LIG1: variants seen among roughly 807,000 people sequenced by gnomAD.
LIG1 encodes DNA ligase 1.
LIG1 carries 70 observed loss-of-function variants against 115.7 expected under a neutral mutation model. The ratio of observed to expected loss-of-function variants is 0.60; its 90% CI spans 0.50 to 0.74. The LOEUF (loss-of-function observed/expected upper bound fraction) is 0.74. Among genes scored for constraint, LIG1 ranks in the 30% least tolerant of loss-of-function variants. The pLI is 0.00. For missense variants in LIG1, 1,115 were observed against 1,225.6 expected, an observed-to-expected ratio of 0.91 and a Z score of 1.35; for synonymous variants, 487 against 495.3, an observed-to-expected ratio of 0.98 and a Z score of 0.22.
At chr19:48,131,289 G>C in intron 18 of LIG1, 118 bp from the exon 19 acceptor site, 2 of 734,666 alleles carry the variant, frequency 2.7e-6, no homozygotes, top group Non-Finnish European at 4.9e-6. Context: ...GGAGGAACTG[G>C]TGCAGAGACT....
intron 1 of LIG1, 60 bp from the exon 2 acceptor site, chr19:48,165,683 A>G (rs1211520689): frequency 7.7e-6 from 9 of 1,174,728 alleles, no homozygotes; most frequent in Non-Finnish European, 1.1e-5. Context: ...CTAAACACAC[A>G]TAAAACCCTT....
intron 23 of LIG1, among the ~76,000 whole-genome samples, chr19:48,121,762 T>C (rs1302923015): frequency 1.3e-5 from 2 of 152,102 alleles, no homozygotes; most frequent in Non-Finnish European, 2.9e-5. Context: ...GATCGTGCCA[T>C]TGCACTCCAG....
At chr19:48,127,056 C>T (rs955902918) in intron 21 of LIG1, 2 of 571,578 alleles carry the variant, frequency 3.5e-6, no homozygotes, top group African/African-American at 3.8e-5. Context: ...CACCTCACGC[C>T]AATGTGGAGT....
chr19:48,167,825 T>TAA (rs776208781), intron 1 of LIG1, among the ~76,000 whole-genome samples: 66 of 113,730 alleles, frequency 5.8e-4, no homozygotes, highest in African/African-American at 1.2e-3. Flanking sequence ...GACCCCGTCT[T>TAA]AAAAAAAAAA....
intron 12 of LIG1, among the ~76,000 whole-genome samples, chr19:48,138,448 C>T (rs1466604148): frequency 6.6e-5 from 10 of 152,326 alleles, no homozygotes; most frequent in Admixed American, 1.3e-4. Context: ...GATGCTCAGC[C>T]GCGGCACAGA....
intron 18 of LIG1, among the ~76,000 whole-genome samples, chr19:48,131,916 G>C (rs2034048133): frequency 6.8e-6 from 1 of 147,794 alleles, no homozygotes; most frequent in East Asian, 2.0e-4. Flanking sequence ...CTCTGATCCT[G>C]TGTCTGTTGG....
chr19:48,125,051 C>A (rs1326353047), intron 21 of LIG1, among the ~76,000 whole-genome samples: 2 of 149,744 alleles, frequency 1.3e-5, no homozygotes, highest in South Asian at 4.2e-4. Flanking sequence ...ACACATTAAA[C>A]AGAAAAAAAA....
chr19:48,120,623 G>A (rs1380246032), intron 24 of LIG1: 3 of 900,640 alleles, frequency 3.3e-6, no homozygotes, highest in Non-Finnish European at 4.0e-6. Context: ...AGCTAGGGGT[G>A]AGCCATGGAG....
chr19:48,119,697 C>T (rs1034951486), intron 24 of LIG1, among the ~76,000 whole-genome samples: 4 of 152,018 alleles, frequency 2.6e-5, no homozygotes, highest in Admixed American at 1.3e-4. Context: ...CACCACCACG[C>T]CTGGCTAATT....
intron 26 of LIG1, among the ~76,000 whole-genome samples, chr19:48,116,653 G>A (rs972668680): frequency 6.6e-6 from 1 of 152,032 alleles, no homozygotes; most frequent in African/African-American, 2.4e-5. Context: ...CCGTAAAATG[G>A]AGATGTTTGT....
chr19:48,150,326 TA>T, intron 7 of LIG1, 116 bp from the exon 8 acceptor site: 1 of 1,448,090 alleles, frequency 6.9e-7, no homozygotes. Flanking sequence ...TAACTACACC[TA>T]CCCTTTTCCT....
At chr19:48,127,124 C>A in intron 21 of LIG1, 153 bp downstream of exon 21, 1 of 701,574 alleles carries the variant, frequency 1.4e-6, no homozygotes, top group Non-Finnish European at 2.6e-6. Context: ...CCTCAGGGGT[C>A]CTCAGACCAC....
chr19:48,131,027 C>A (rs372442462), intron 19 of LIG1, 49 bp downstream of exon 19: 7 of 1,498,012 alleles, frequency 4.7e-6, no homozygotes, highest in South Asian at 4.5e-5. Flanking sequence ...GGCCTTTGCA[C>A]CCCTGACCAC....
chr19:48,116,005 G>T lies in LIG1; in HGVS notation c.2584-40C>A, dbSNP rs1333993912. 7 of 1,484,344 alleles carry T rather than the reference G, an allele frequency of 4.7e-6. 1 individual carries two copies. The South Asian group carries it at 6.9e-5, about 15-fold the overall frequency. The allele number at this position is 1,484,344 out of a possible 1,614,324, so 91.9% of individuals were successfully genotyped here. On this transcript the variant is annotated intron_variant, in intron 26 of 27. Coordinates refer to ENST00000263274, the MANE Select transcript of LIG1 (RefSeq NM_000234.3). ...TGGAGACTCCTGCGGTCCAGCCCCA[G>T]CGACCCCCTGCTCAGTCTCCTCCCT...
intron 2 of LIG1, 40 bp downstream of exon 2, chr19:48,165,510 T>G (rs182185313): frequency 6.3e-6 from 9 of 1,428,780 alleles, no homozygotes; most frequent in Non-Finnish European, 8.9e-6. Context: ...AACAGAGGAC[T>G]TGGAGAAGGA....
intron 10 of LIG1, 50 bp downstream of exon 10, chr19:48,143,833 G>T: frequency 6.7e-7 from 1 of 1,482,730 alleles, no homozygotes; most frequent in Non-Finnish European, 9.4e-7. Flanking sequence ...GAGAGCCTCC[G>T]GTGGCAACAG....
At chr19:48,126,405 A>T (rs930549871) in intron 21 of LIG1, among the ~76,000 whole-genome samples, 1 of 152,128 alleles carries the variant, frequency 6.6e-6, no homozygotes, top group Admixed American at 6.6e-5. Context: ...CAAGAGTTCG[A>T]GACCAGCCTG....
intron 11 of LIG1, 38 bp downstream of exon 11, chr19:48,143,505 C>CGCGGGGGGGGGGGGGGGG: frequency 1.2e-6 from 1 of 850,466 alleles, no homozygotes; most frequent in Non-Finnish European, 2.0e-6. Context: ...GACCCAGAAG[C>CGCGGGGGGGGGGGGGGGG]GACCCCGCCC....
At chr19:48,129,474 A>G (rs2033877980) in intron 19 of LIG1, among the ~76,000 whole-genome samples, 1 of 152,178 alleles carries the variant, frequency 6.6e-6, no homozygotes, top group Non-Finnish European at 1.5e-5. Context: ...CTGGGCTGTG[A>G]GCTCAGTGAG....
Sources: gnomAD v4.1 joint callset for allele counts (sites outside exome capture counted in the v4.1 genomes callset) on GRCh38, gnomAD v4.1.1 for gene constraint, MANE v1.5 for transcripts, NCBI Gene and HGNC (gene_info 2026-07-23, HGNC 2026-07-21) for gene names.